Variants in METTL8 observed in about 807,000 individuals in gnomAD.
The protein encoded by METTL8 is tRNA N(3)-cytidine methyltransferase METTL8, mitochondrial.
Under a neutral mutation model 48.7 loss-of-function variants are expected in METTL8, and 32 were observed. The observed-to-expected ratio is 0.66, with a 90% CI of 0.50 to 0.88. METTL8 has a LOEUF of 0.88. METTL8 is among the 40% of genes least tolerant of loss of function. METTL8 has a pLI of 0.00. For synonymous variants in METTL8, 136 were observed against 157.1 expected (o/e 0.87, Z 1.01); for missense variants, 464 against 474.4 (o/e 0.98, Z 0.20).
At chr2:171,376,426 T>G (rs1298524193) in intron 2 of METTL8, among the ~76,000 whole-genome samples, 2 of 152,094 alleles carry the variant, frequency 1.3e-5, no homozygotes, top group African/African-American at 2.4e-5. Context: ...TCACCGATGA[T>G]ATAATCATAT....
At chr2:171,432,964 TA>T (rs1490775266) in intron 1 of METTL8, 3 of 152,206 alleles carry the variant, frequency 2.0e-5, no homozygotes, top group Non-Finnish European at 4.4e-5. Context: ...AACATTGAAA[TA>T]AATGGGAGCT....
At chr2:171,434,718 G>A (rs1276770199), upstream of METTL8, 2 of 1,446,614 alleles carry the variant, frequency 1.4e-6, no homozygotes, top group Admixed American at 2.8e-5. Flanking sequence ...CCGCCAGCCG[G>A]CCGGGGCGGG....
chr2:171,348,803 A>C (rs1045249322), intron 3 of METTL8, among the ~76,000 whole-genome samples: 1 of 152,204 alleles, frequency 6.6e-6, no homozygotes, highest in African/African-American at 2.4e-5. Context: ...TCTATTTTAT[A>C]AACTATTTTT....
At chr2:171,343,170 T>C (rs189246815) in intron 3 of METTL8, among the ~76,000 whole-genome samples, 1 of 152,336 alleles carries the variant, frequency 6.6e-6, no homozygotes, top group Non-Finnish European at 1.5e-5. Context: ...CGGGGCATGA[T>C]GGCTCATGCC....
chr2:171,347,054 T>C (rs1002507832), intron 3 of METTL8, among the ~76,000 whole-genome samples: 2 of 152,168 alleles, frequency 1.3e-5, no homozygotes, highest in Admixed American at 1.3e-4. Flanking sequence ...GTGTTCCTTC[T>C]CCCTGCAGTG....
intron 2 of METTL8, among the ~76,000 whole-genome samples, chr2:171,372,799 C>A (rs540294054): frequency 6.6e-6 from 1 of 152,318 alleles, no homozygotes; most frequent in East Asian, 1.9e-4. Context: ...CATGTCCCTA[C>A]AAAGGACATG....
intron 1 of METTL8, among the ~76,000 whole-genome samples, chr2:171,404,780 C>G (rs1690013009): frequency 6.6e-6 from 1 of 152,090 alleles, no homozygotes; most frequent in African/African-American, 2.4e-5. Context: ...CATTTAAAAT[C>G]TCCCCATACA....
Position 171,316,400 on chromosome 2 carries a change from A to G in METTL8, c.*7772T>C, listed in dbSNP as rs1684265876. Among the ~76,000 whole-genome samples the G allele has an allele frequency of 1.3e-5, 2 of 152,244 alleles. No homozygotes were observed. Among genetic ancestry groups the G allele is most frequent in the South Asian group, 2.1e-4 (1 of 4,832 alleles). On this transcript the variant is annotated 3_prime_UTR_variant, in exon 10 of 10. Transcript: ENST00000375258. ...TTCCTAAAGTAAACAAAAGATCTGC[A>G]AAAGTATTTCCTTGCACTATTTGGC...
intron 2 of METTL8, among the ~76,000 whole-genome samples, chr2:171,389,311 G>C (rs928269121): frequency 6.6e-6 from 1 of 152,012 alleles, no homozygotes; most frequent in African/African-American, 2.4e-5. Flanking sequence ...CTTGAGCTCA[G>C]GAGTTCAAGG....
chr2:171,353,569 G>A (rs748009731), intron 3 of METTL8, among the ~76,000 whole-genome samples: 11 of 152,178 alleles, frequency 7.2e-5, no homozygotes, highest in Non-Finnish European at 1.2e-4. Flanking sequence ...ACAGTGGGGT[G>A]TTAAAGTCTT....
At chr2:171,391,983 T>C in intron 2 of METTL8, 60 bp downstream of exon 2, 1 of 1,462,746 alleles carries the variant, frequency 6.8e-7, no homozygotes, top group Non-Finnish European at 9.2e-7. Context: ...TAAATGAAAA[T>C]AATACCACTG....
chr2:171,324,055 C>T lies in METTL8; in HGVS notation c.*117G>A, dbSNP rs771800107. 347 of 848,686 alleles carry T rather than the reference C, an allele frequency of 4.1e-4. No individual in the cohort carries two copies. The highest frequency in any genetic ancestry group is 5.6e-4 in the Non-Finnish European group (314 of 563,398). 52.6% of individuals were successfully genotyped at this position (848,686 alleles called of 1,614,324 possible). On this transcript the variant is annotated 3_prime_UTR_variant, in exon 10 of 10. Coordinates refer to ENST00000375258, the MANE Select transcript of METTL8 (RefSeq NM_001321154.2). ...ACAAAGGAGCTCACCTATGACAAAA[C>T]GGCAGGAAATACAAATTCTCTTCTT...
chr2:171,330,242 C>T (rs2105395499), intron 7 of METTL8, among the ~76,000 whole-genome samples: 1 of 152,276 alleles, frequency 6.6e-6, no homozygotes, highest in South Asian at 2.1e-4. Flanking sequence ...GTACAATTTC[C>T]CTCTTGGGAG....
At chr2:171,357,696 C>G (rs1423862727) in intron 3 of METTL8, among the ~76,000 whole-genome samples, 1 of 151,482 alleles carries the variant, frequency 6.6e-6, no homozygotes, top group Non-Finnish European at 1.5e-5. Flanking sequence ...AAATTTTTCT[C>G]TCTCTTTTTT....
At chr2:171,375,536 C>T (rs957143480) in intron 2 of METTL8, among the ~76,000 whole-genome samples, 5 of 152,064 alleles carry the variant, frequency 3.3e-5, no homozygotes, top group Non-Finnish European at 7.4e-5. Context: ...TTTACTGTGC[C>T]TTTCATTTGC....
chr2:171,327,720 A>G (rs974635649), intron 7 of METTL8, among the ~76,000 whole-genome samples: 22 of 152,368 alleles, frequency 1.4e-4, no homozygotes, highest in Non-Finnish European at 3.1e-4. Flanking sequence ...TAAAAAAACT[A>G]GCACATAAGG....
chr2:171,335,177 G>A (rs2105407675), intron 5 of METTL8, among the ~76,000 whole-genome samples: 1 of 152,228 alleles, frequency 6.6e-6, no homozygotes. Context: ...ATTCAGAACT[G>A]TAAATTTACC....
At chr2:171,363,817 T>TATATATATATATATATATATATGTA (rs1228494441) in intron 2 of METTL8, among the ~76,000 whole-genome samples, 1 of 129,056 alleles carries the variant, frequency 7.7e-6, no homozygotes, top group African/African-American at 2.9e-5. Flanking sequence ...TATATATATC[T>TATATATATATATATATATATATGTA]TTTTTTTTTT....
intron 2 of METTL8, among the ~76,000 whole-genome samples, chr2:171,366,861 C>A (rs1573999579): frequency 1.3e-5 from 2 of 148,524 alleles, no homozygotes; most frequent in South Asian, 4.3e-4. Context: ...ACCACTCCAG[C>A]CTGGGTGACA....
Sources: allele counts gnomAD v4.1 joint callset (sites outside exome capture counted in the v4.1 genomes callset), GRCh38; gene constraint gnomAD v4.1.1; transcripts MANE v1.5; gene names NCBI Gene and HGNC (gene_info 2026-07-23, HGNC 2026-07-21).